UPP2: variants seen among roughly 807,000 people sequenced by gnomAD.
The protein encoded by UPP2 is uridine phosphorylase 2.
UPP2 carries 23 observed loss-of-function variants against 26.7 expected under a neutral mutation model. The ratio of observed to expected loss-of-function variants is 0.86; its 90% confidence interval spans 0.62 to 1.22. UPP2 has a LOEUF of 1.22. UPP2 is among the 50% of genes most tolerant of loss of function. UPP2 has a pLI of 0.00. For synonymous variants in UPP2, 127 were observed against 141.3 expected, an observed-to-expected ratio of 0.90 and a Z score of 0.72; for missense variants, 387 against 396.7, an observed-to-expected ratio of 0.98 and a Z score of 0.21.
upstream of UPP2, among the ~76,000 whole-genome samples, chr2:158,101,109 C>T (rs965469891): frequency 6.6e-6 from 1 of 152,176 alleles, no homozygotes; most frequent in Non-Finnish European, 1.5e-5. Context: ...TGCCTGAAAG[C>T]CATGAGACTA....
chr2:158,002,027 T>C (rs2105463004), intron 2 of UPP2, among the ~76,000 whole-genome samples: 1 of 147,934 alleles, frequency 6.8e-6, no homozygotes, highest in Admixed American at 6.8e-5. Context: ...GGTACTCATA[T>C]GGAAGGAGGC....
chr2:158,065,192 A>G (rs192523312), intron 3 of UPP2, among the ~76,000 whole-genome samples: 310 of 152,312 alleles, frequency 2.0e-3, no homozygotes, highest in Admixed American at 6.5e-3. Flanking sequence ...CATGACCTCT[A>G]TGCAAACAAG....
At chr2:158,085,023 G>A (rs889606911) in intron 3 of UPP2, among the ~76,000 whole-genome samples, 3 of 152,050 alleles carry the variant, frequency 2.0e-5, no homozygotes, top group Non-Finnish European at 4.4e-5. Context: ...TTCTAGTTCT[G>A]TGAAGAATGA....
chr2:158,134,379 C>T (rs1051492543), intron 6 of UPP2, among the ~76,000 whole-genome samples: 6 of 152,182 alleles, frequency 3.9e-5, no homozygotes, highest in Admixed American at 1.3e-4. Flanking sequence ...TATATCCTCC[C>T]GTAAAAGACC....
intron 3 of UPP2, among the ~76,000 whole-genome samples, chr2:158,077,258 CA>C (rs576196394): frequency 1.1e-3 from 167 of 151,980 alleles, no homozygotes; most frequent in African/African-American, 3.5e-3. Context: ...ATCAAAATAC[CA>C]ATGACATTCT....
chr2:158,032,429 G>A (rs1236744930), intron 3 of UPP2, among the ~76,000 whole-genome samples: 2 of 152,120 alleles, frequency 1.3e-5, no homozygotes, highest in African/African-American at 4.8e-5. Flanking sequence ...CCTCTGAGGG[G>A]CCTGTGGTCT....
chr2:158,049,075 C>G (rs1240400631), intron 3 of UPP2, among the ~76,000 whole-genome samples: 1 of 152,196 alleles, frequency 6.6e-6, no homozygotes, highest in South Asian at 2.1e-4. Flanking sequence ...CGCTTGCCCA[C>G]CCCTCATCAC....
intron 2 of UPP2, among the ~76,000 whole-genome samples, chr2:158,010,453 T>G (rs1235189881): frequency 6.6e-6 from 1 of 152,262 alleles, no homozygotes; most frequent in African/African-American, 2.4e-5. Context: ...TTTACTTCCT[T>G]GCATAACAGC....
chr2:158,086,492 G>T (rs1232327133), intron 3 of UPP2, among the ~76,000 whole-genome samples: 1 of 151,618 alleles, frequency 6.6e-6, no homozygotes, highest in African/African-American at 2.4e-5. Context: ...ATTTCATTTA[G>T]TTCTGCTCTG....
intron 2 of UPP2, among the ~76,000 whole-genome samples, chr2:158,001,714 T>C (rs987730491): frequency 2.0e-5 from 3 of 152,104 alleles, no homozygotes; most frequent in African/African-American, 7.2e-5. Flanking sequence ...ACAAAACATG[T>C]GTCTGCTCTG....
chr2:158,035,604 C>A (rs544835648), intron 3 of UPP2, among the ~76,000 whole-genome samples: 1 of 152,152 alleles, frequency 6.6e-6, no homozygotes. Flanking sequence ...CCTACTACTG[C>A]GGCATGGGCT....
intron 4 of UPP2, among the ~76,000 whole-genome samples, chr2:158,118,738 A>G (rs543779378): frequency 6.6e-6 from 1 of 152,148 alleles, no homozygotes; most frequent in South Asian, 2.1e-4. Context: ...AAGGGCTGAG[A>G]TTTGGGAAGA....
chr2:158,045,783 G>C (rs941409046), intron 3 of UPP2, among the ~76,000 whole-genome samples: 9 of 152,158 alleles, frequency 5.9e-5, no homozygotes, highest in Admixed American at 4.6e-4. Context: ...CATCAGTAAA[G>C]TGCGGTGAGG....
intron 3 of UPP2, among the ~76,000 whole-genome samples, chr2:158,116,662 ATC>A (rs1279436243): frequency 1.3e-5 from 2 of 152,232 alleles, no homozygotes; most frequent in African/African-American, 4.8e-5. Context: ...ATAAGTGGCA[ATC>A]ATTAACTTAC....
intron 6 of UPP2, among the ~76,000 whole-genome samples, chr2:158,128,492 C>A (rs1683738924): frequency 6.6e-6 from 1 of 152,146 alleles, no homozygotes; most frequent in African/African-American, 2.4e-5. Flanking sequence ...ATCTTTAGGC[C>A]AGGGTACAAG....
rs146351052 is a variant in UPP2, at chr2:158,084,530, G to A, written c.148-17510G>A. 4.5e-3 allele frequency among the ~76,000 whole-genome samples: 684 copies of A among 152,124 alleles called. 5 individuals are homozygous for A. The highest frequency in any genetic ancestry group is 0.016 in the African/African-American group (664 of 41,518). ...CCATCTATTTATCTTTGTTTATGTTGCATTTGCTTTCGGGTTCTTGGTCAA... is the reference window on the plus strand; with the variant it reads ...CCATCTATTTATCTTTGTTTATGTTACATTTGCTTTCGGGTTCTTGGTCAA... On this transcript the variant is annotated intron_variant, in intron 3 of 9. Transcript: ENST00000605860.
intron 3 of UPP2, among the ~76,000 whole-genome samples, chr2:158,016,157 A>T (rs769026963): frequency 4.5e-4 from 66 of 147,850 alleles, no homozygotes; most frequent in South Asian, 1.7e-3. Context: ...TTTTTTTTTT[A>T]AATTACTTTT....
intron 2 of UPP2, among the ~76,000 whole-genome samples, chr2:158,006,887 G>A (rs1022110383): frequency 9.9e-5 from 15 of 152,196 alleles, no homozygotes; most frequent in Non-Finnish European, 2.9e-5. Context: ...ACAGGGTCAG[G>A]AAAGGTGAAC....
intron 2 of UPP2, among the ~76,000 whole-genome samples, chr2:158,009,050 T>C (rs1683536468): frequency 6.6e-6 from 1 of 152,222 alleles, no homozygotes; most frequent in Non-Finnish European, 1.5e-5. Flanking sequence ...CATATGATGG[T>C]CTCCTGAAAT....
Sources: gnomAD v4.1 joint callset for allele counts (sites outside exome capture counted in the v4.1 genomes callset) on GRCh38, gnomAD v4.1.1 for gene constraint, MANE v1.5 for transcripts, NCBI Gene and HGNC (gene_info 2026-07-23, HGNC 2026-07-21) for gene names.